Variants in RIOK1 observed in about 807,000 individuals in gnomAD.
The protein encoded by RIOK1 is RIO kinase 1, also known as serine/threonine-protein kinase RIO1.
In RIOK1, 66 loss-of-function variants were observed where a neutral mutation model predicts 73.5. The observed-to-expected ratio is 0.90, with a 90% CI of 0.74 to 1.10. The LOEUF is 1.10. Ranked by LOEUF, RIOK1 falls within the 50% of genes least tolerant of loss-of-function variation. The probability of loss-of-function intolerance (pLI) is 0.00; values close to 1 mark genes in which losing one functional copy is unlikely to be tolerated. For missense variants in RIOK1, 658 were observed against 699.8 expected, an observed-to-expected ratio of 0.94 and a Z score of 0.67; for synonymous variants, 224 against 226.8, an observed-to-expected ratio of 0.99 and a Z score of 0.11.
chr6:7,393,426 A>G (rs1041785474), intron 2 of RIOK1, 123 bp downstream of exon 2: 4 of 751,686 alleles, frequency 5.3e-6, no homozygotes, highest in Non-Finnish European at 8.9e-6. Flanking sequence ...ATTGTCCTGT[A>G]GCCTCAGCCT....
chr6:7,396,892 G>GTGTGTGTGT, intron 4 of RIOK1, 120 bp downstream of exon 4: 1 of 415,778 alleles, frequency 2.4e-6, no homozygotes, highest in Non-Finnish European at 4.3e-6. Context: ...TCATTATTTT[G>GTGTGTGTGT]GTGTGTGTGT....
chr6:7,411,894 T>G (rs978769990), intron 14 of RIOK1, among the ~76,000 whole-genome samples: 2 of 152,226 alleles, frequency 1.3e-5, no homozygotes, highest in African/African-American at 4.8e-5. Context: ...ACCCTCAATT[T>G]TTATTCGTGA....
intron 13 of RIOK1, 127 bp downstream of exon 13, chr6:7,410,578 C>A: frequency 1.6e-6 from 1 of 629,454 alleles, no homozygotes; most frequent in Non-Finnish European, 2.8e-6. Flanking sequence ...GGTAATATTT[C>A]CTTAAGATAT....
At position 7,404,327 on chromosome 6, in the gene RIOK1, A is replaced by G. The variant is rs1003262772; in HGVS notation, c.855-91A>G. On this transcript the variant is annotated intron_variant, in intron 9 of 16. Coordinates refer to ENST00000379834, the MANE Select transcript of RIOK1 (RefSeq NM_031480.3). ...GATTGTCCCACATACAGCTCACATG[A>G]TGAGTTGTAGAAGAGAAGGGCATGT... The G allele has an allele frequency of 5.0e-6, 7 of 1,390,118 alleles. No homozygotes were observed. In the African/African-American group the frequency reaches 7.1e-5, roughly 14 times the overall value. The allele number at this position is 1,390,118 out of a possible 1,614,324, so 86.1% of individuals were successfully genotyped here. A position where few individuals can be genotyped will look rare whatever the true frequency, so the allele number is the denominator to read the frequency against.
intron 4 of RIOK1, among the ~76,000 whole-genome samples, chr6:7,397,635 C>T (rs1038477434): frequency 1.3e-5 from 2 of 152,174 alleles, no homozygotes; most frequent in African/African-American, 4.8e-5. Context: ...GAGAATTGAA[C>T]GTAAAAGCCA....
At chr6:7,410,066 T>G (rs1270337858) in intron 12 of RIOK1, among the ~76,000 whole-genome samples, 3 of 152,214 alleles carry the variant, frequency 2.0e-5, no homozygotes, top group East Asian at 3.9e-4. Flanking sequence ...ATTCCTTTAG[T>G]AAATGCTAAA....
chr6:7,401,671 A>AT (rs796939433), intron 6 of RIOK1, among the ~76,000 whole-genome samples: 137 of 147,136 alleles, frequency 9.3e-4, no homozygotes, highest in African/African-American at 3.2e-3. Flanking sequence ...GGATTTTTAA[A>AT]TTTTTTTTAA....
At chr6:7,393,038 T>C in intron 1 of RIOK1, 61 bp from the exon 2 acceptor site, 2 of 1,468,180 alleles carry the variant, frequency 1.4e-6, no homozygotes, top group Admixed American at 1.7e-5. Context: ...CATAAATATG[T>C]GAGATCAGTT....
At chr6:7,398,150 CAAACAA>C (rs1345219434) in intron 4 of RIOK1, among the ~76,000 whole-genome samples, 1 of 152,040 alleles carries the variant, frequency 6.6e-6, no homozygotes, top group Non-Finnish European at 1.5e-5. Flanking sequence ...TCAAAACAAA[CAAACAA>C]AAACAAAAAC....
At chr6:7,393,603 TA>T (rs753657367) in intron 2 of RIOK1, among the ~76,000 whole-genome samples, 2 of 152,174 alleles carry the variant, frequency 1.3e-5, no homozygotes, top group African/African-American at 4.8e-5. Context: ...AGAAACATGG[TA>T]AAAAAGTTCA....
chr6:7,403,812 T>C (rs1761670995), intron 8 of RIOK1, 129 bp from the exon 9 acceptor site: 1 of 600,826 alleles, frequency 1.7e-6, no homozygotes, highest in South Asian at 1.9e-5. Flanking sequence ...TTATGAAATA[T>C]TATAATACAT....
intron 4 of RIOK1, 55 bp from the exon 5 acceptor site, chr6:7,398,643 T>A (rs1581713532): frequency 4.5e-6 from 6 of 1,322,808 alleles, no homozygotes; most frequent in South Asian, 1.2e-5. Flanking sequence ...TTAGAAGATT[T>A]TGGCTTCTCA....
At chr6:7,408,040 GGTTT>G (rs1761791903) in intron 12 of RIOK1, among the ~76,000 whole-genome samples, 1 of 152,032 alleles carries the variant, frequency 6.6e-6, no homozygotes, top group South Asian at 2.1e-4. Context: ...CAGGTTTTCA[GGTTT>G]GTTTGTTTTT....
At chr6:7,409,270 T>TGTGTGTGTG (rs1761829166) in intron 12 of RIOK1, among the ~76,000 whole-genome samples, 1 of 81,686 alleles carries the variant, frequency 1.2e-5, no homozygotes, top group African/African-American at 4.6e-5. Context: ...TGTGTGTGTG[T>TGTGTGTGTG]TTGAGATGGA....
At position 7,417,446 on chromosome 6, in the gene RIOK1, A is replaced by C; in HGVS notation, c.*5A>C. The C allele has an allele frequency of 6.7e-7, 1 of 1,496,342 alleles. No individual in the cohort carries two copies. Among genetic ancestry groups the C allele is most frequent in the East Asian group, 2.3e-5 (1 of 42,996 alleles). 92.7% of individuals were successfully genotyped at this position (1,496,342 alleles called of 1,614,324 possible). A position where few individuals can be genotyped will look rare whatever the true frequency, so the allele number is the denominator to read the frequency against. The stretch of plus-strand genomic sequence containing the variant: ...AAGACGAAAAAAGGCAAATAGAATG[A>C]GAACCATATTATGTACAGTCATTTT... On this transcript the variant is annotated 3_prime_UTR_variant, in exon 17 of 17. Transcript: ENST00000379834.
Position 7,401,058 on chromosome 6 carries a change from C to G in RIOK1, c.573+8C>G, listed in dbSNP as rs1289974118. 5.8e-6 allele frequency: 9 copies of G among 1,539,276 alleles called. No individual in the cohort carries two copies. Among genetic ancestry groups the G allele is most frequent in the Non-Finnish European group, 7.1e-6 (8 of 1,120,872 alleles). On this transcript the variant is annotated splice_region_variant and intron_variant, in intron 6 of 16. Transcript: ENST00000379834. ...ATTAGCACAGGAAAAGAAGTGAGCT[C>G]TTCTTTGGATGATTGGATATTTAAT...
rs1762039852 is a variant in RIOK1 at position 7,417,553 on chromosome 6, ACTGT to A, written c.*117_*120del. The A allele has an allele frequency of 3.2e-6, 2 of 624,860 alleles. No homozygotes were observed. Among genetic ancestry groups the A allele is most frequent in the Non-Finnish European group, 5.5e-6 (2 of 366,732 alleles). 38.7% of individuals were successfully genotyped at this position (624,860 alleles called of 1,614,324 possible). ...GTTTTAACCAGATTGTCATCGTGGC[ACTGT>A]CTGTGAAGACGGATTCAAATGTTTT... is the stretch of plus-strand genomic sequence containing the variant. On this transcript the variant is annotated 3_prime_UTR_variant, in exon 17 of 17. Transcript: ENST00000379834.
At chr6:7,407,581 C>G (rs1270772822) in intron 12 of RIOK1, among the ~76,000 whole-genome samples, 1 of 151,752 alleles carries the variant, frequency 6.6e-6, no homozygotes, top group Non-Finnish European at 1.5e-5. Flanking sequence ...ACCTTCTAGA[C>G]TCAAGCAGTT....
Position 7,402,642 on chromosome 6 carries a change from A to G in RIOK1, c.613A>G (p.Arg205Gly). ...YHASTANGES[R>G]AIKIYKTSIL... ...TGCTAGCACAGCAAATGGAGAGAGC[A>G]GAGCAATCAAAATTTATAAAACTTC... is the stretch of plus-strand genomic sequence containing the variant. Residue 205 changes from arginine to glycine, a missense_variant, in exon 7 of 17, where the codon AGA (arginine) becomes GGA (glycine). By Grantham distance (125) the Arg-to-Gly change is moderately radical. Transcript: ENST00000379834. 1 of 1,612,750 alleles carries G rather than the reference A, an allele frequency of 6.2e-7. No homozygotes were observed. Among genetic ancestry groups the G allele is most frequent in the Non-Finnish European group, 8.5e-7 (1 of 1,179,208 alleles).
Sources: gnomAD v4.1 joint callset for allele counts (sites outside exome capture counted in the v4.1 genomes callset) on GRCh38, gnomAD v4.1.1 for gene constraint, MANE v1.5 for transcripts, NCBI Gene and HGNC (gene_info 2026-07-23, HGNC 2026-07-21) for gene names.